Variants in KANSL1 observed in about 807,000 individuals in gnomAD.
KANSL1 encodes MLL1/MLL complex subunit KANSL1.
Under a neutral mutation model 103.6 loss-of-function variants are expected in KANSL1, and 22 were observed. That is an observed-to-expected ratio of 0.21 (90% CI 0.15 to 0.30). KANSL1 has a LOEUF of 0.30. Among genes scored for constraint, KANSL1 ranks in the 10% least tolerant of loss-of-function variants. KANSL1 has a pLI of 1.00. For synonymous variants in KANSL1, 600 were observed against 527.6 expected (o/e 1.14, Z -1.88); for missense variants, 1,337 against 1,399.8 (o/e 0.96, Z 0.72).
chr17:46,147,572 TAAAAAAAAAAAAAA>T lies in KANSL1; in HGVS notation c.1289+23269_1289+23282del, dbSNP rs10717937. Among the ~76,000 whole-genome samples the T allele has an allele frequency of 1.1e-3, 115 of 103,082 alleles. 1 individual carries two copies. The highest frequency in any genetic ancestry group is 0.01 in the Middle Eastern group (2 of 200). The allele number at this position is 103,082 out of a possible 152,430, so 67.6% of individuals were successfully genotyped here. A position where few individuals can be genotyped will look rare whatever the true frequency, so the allele number is the denominator to read the frequency against. On this transcript the variant is annotated intron_variant, in intron 2 of 14. Transcript: ENST00000432791. ...GCCTGGGTGACAGAGTGAGACTCTT[TAAAAAAAAAAAAAA>T]AAAAAAAAAAGAGAGCGAGAGAGAA...
At chr17:46,200,027 C>T (rs2047742078) in intron 1 of KANSL1, among the ~76,000 whole-genome samples, 1 of 131,352 alleles carries the variant, frequency 7.6e-6, no homozygotes, top group Non-Finnish European at 1.6e-5. Flanking sequence ...AATAAAGTTC[C>T]TCAATGAGTT....
chr17:46,158,668 G>A (rs1227905300), intron 2 of KANSL1, among the ~76,000 whole-genome samples: 1 of 152,228 alleles, frequency 6.6e-6, no homozygotes, highest in Non-Finnish European at 1.5e-5. Flanking sequence ...AGCGTCCCGA[G>A]TAGCTGGGAT....
At chr17:46,198,422 TAAAAAAAAAAAAA>T (rs58312564), upstream of KANSL1, among the ~76,000 whole-genome samples, 49 of 96,110 alleles carry the variant, frequency 5.1e-4, no homozygotes, top group African/African-American at 5.8e-4. Flanking sequence ...CTACTTTAAT[TAAAAAAAAAAAAA>T]AAAAAAAAAA....
intron 2 of KANSL1, among the ~76,000 whole-genome samples, chr17:46,103,333 C>G (rs2042398218): frequency 6.6e-6 from 1 of 152,204 alleles, no homozygotes; most frequent in South Asian, 2.1e-4. Flanking sequence ...CCTACCTCAT[C>G]TATAACATCT....
chr17:46,088,898 G>C (rs748302725), intron 3 of KANSL1, among the ~76,000 whole-genome samples: 1 of 152,070 alleles, frequency 6.6e-6, no homozygotes, highest in Non-Finnish European at 1.5e-5. Flanking sequence ...CTTAAAAACT[G>C]CTTAGTCCCT....
Position 46,033,199 on chromosome 17 carries a change from T to C in KANSL1, c.2725-7A>G, listed in dbSNP as rs186818985. On this transcript the variant is annotated splice_region_variant and splice_polypyrimidine_tract_variant and intron_variant, in intron 12 of 14. Coordinates refer to ENST00000432791, the MANE Select transcript of KANSL1 (RefSeq NM_015443.4). ...CGTCGGATAGGTCCTCAATCTGCAA[T>C]AGAGCAGCTTCATCGATCCCCTCTT... 2.7e-4 allele frequency: 420 copies of C among 1,583,504 alleles called. 2 individuals carry two copies. In the Middle Eastern group the frequency reaches 2.8e-3, roughly 11 times the overall value.
chr17:46,211,015 C>T (rs1367237356), intron 1 of KANSL1, among the ~76,000 whole-genome samples: 3 of 151,970 alleles, frequency 2.0e-5, no homozygotes, highest in Admixed American at 2.0e-4. Flanking sequence ...TGGTTCTTAC[C>T]TTGGATTACC....
intron 1 of KANSL1, among the ~76,000 whole-genome samples, chr17:46,205,150 G>T (rs537500706): frequency 6.6e-6 from 1 of 151,760 alleles, no homozygotes. Flanking sequence ...AATCACTCAG[G>T]CTTAAAAAAA....
chr17:46,180,882 T>C (rs2046758542), intron 1 of KANSL1, among the ~76,000 whole-genome samples: 1 of 151,898 alleles, frequency 6.6e-6, no homozygotes, highest in Non-Finnish European at 1.5e-5. Flanking sequence ...CATATATATG[T>C]ATATGTATAT....
intron 4 of KANSL1, among the ~76,000 whole-genome samples, chr17:46,078,017 A>G (rs2146778893): frequency 6.6e-6 from 1 of 152,284 alleles, no homozygotes; most frequent in Middle Eastern, 3.4e-3. Context: ...TATACAGACA[A>G]TGTATGCAAT....
At chr17:46,197,441 G>T (rs1236153912), upstream of KANSL1, among the ~76,000 whole-genome samples, 1 of 152,290 alleles carries the variant, frequency 6.6e-6, no homozygotes, top group Non-Finnish European at 1.5e-5. Context: ...CCAGGAATTC[G>T]AGACCAGCCT....
intron 1 of KANSL1, among the ~76,000 whole-genome samples, chr17:46,210,917 C>T (rs917218409): frequency 3.3e-5 from 5 of 152,110 alleles, no homozygotes; most frequent in Admixed American, 6.5e-5. Context: ...AAGCAGTTCC[C>T]GTGTAGACAA....
chr17:46,081,191 T>C (rs1292385089), intron 4 of KANSL1, among the ~76,000 whole-genome samples: 1 of 152,160 alleles, frequency 6.6e-6, no homozygotes, highest in Non-Finnish European at 1.5e-5. Context: ...ACAGGGAGAT[T>C]ACTCAAAAAA....
chr17:46,125,089 GGAGGGAGGGAGA>G (rs1322912235), intron 2 of KANSL1, among the ~76,000 whole-genome samples: 1 of 74,002 alleles, frequency 1.4e-5, no homozygotes, highest in African/African-American at 4.9e-5. Flanking sequence ...AGGGAGAGAG[GGAGGGAGGGAGA>G]GAGGGAGGGA....
chr17:46,140,651 C>G (rs56356165), intron 2 of KANSL1, among the ~76,000 whole-genome samples: 17,268 of 150,236 alleles, frequency 0.11, no homozygotes, highest in Non-Finnish European at 0.17. Context: ...TTTGACAAGA[C>G]ACTGGTCTCC....
At chr17:46,204,863 C>T (rs1029170619) in intron 1 of KANSL1, among the ~76,000 whole-genome samples, 6 of 152,172 alleles carry the variant, frequency 3.9e-5, no homozygotes, top group Admixed American at 6.5e-5. Context: ...TGAATAGATG[C>T]AGAAAAAGCA....
intron 2 of KANSL1, among the ~76,000 whole-genome samples, chr17:46,127,777 CA>C (rs34472278): frequency 6.6e-4 from 95 of 142,910 alleles, no homozygotes; most frequent in Middle Eastern, 3.5e-3. Flanking sequence ...GACCCTGTCT[CA>C]AAAAAAAAAA....
At chr17:46,168,568 A>T (rs1352626919) in intron 2 of KANSL1, among the ~76,000 whole-genome samples, 1 of 152,160 alleles carries the variant, frequency 6.6e-6, no homozygotes, top group African/African-American at 2.4e-5. Context: ...ACTGGTCTCG[A>T]ACTCTCAACC....
chr17:46,132,420 G>A (rs1358176027), intron 2 of KANSL1, among the ~76,000 whole-genome samples: 2 of 152,126 alleles, frequency 1.3e-5, no homozygotes, highest in African/African-American at 4.8e-5. Context: ...TGTTGGCAGG[G>A]GCCTTTCAAT....
Sources: gnomAD v4.1 joint callset for allele counts (sites outside exome capture counted in the v4.1 genomes callset) on GRCh38, gnomAD v4.1.1 for gene constraint, MANE v1.5 for transcripts, NCBI Gene and HGNC (gene_info 2026-07-23, HGNC 2026-07-21) for gene names.